The following MACROD2 variants were observed in gnomAD, a reference collection of about 807,000 sequenced individuals.
MACROD2 encodes ADP-ribose glycohydrolase MACROD2.
In MACROD2, 36 loss-of-function variants were observed where a neutral mutation model predicts 70.4. That is an observed-to-expected ratio of 0.51 (90% confidence interval 0.39 to 0.68). MACROD2 has a LOEUF of 0.68. Among genes scored for constraint, MACROD2 ranks in the 30% least tolerant of loss-of-function variants. The probability of loss-of-function intolerance (pLI) is 0.00; values close to 1 mark genes in which losing one functional copy is unlikely to be tolerated. For missense variants in MACROD2, 496 were observed against 538.4 expected, an observed-to-expected ratio of 0.92 and a Z score of 0.78; for synonymous variants, 172 against 178.8, an observed-to-expected ratio of 0.96 and a Z score of 0.30.
chr20:14,540,662 A>T lies in MACROD2; in HGVS notation c.301+47154A>T, dbSNP rs113405747. 9.9e-3 allele frequency among the ~76,000 whole-genome samples: 1,508 copies of T among 152,290 alleles called. 33 individuals are homozygous for T. Among genetic ancestry groups the T allele is most frequent in the African/African-American group, 0.035 (1,437 of 41,554 alleles). On this transcript the variant is annotated intron_variant, in intron 4 of 17. Coordinates refer to ENST00000684519, the MANE Select transcript of MACROD2 (RefSeq NM_001351661.2). The stretch of plus-strand genomic sequence containing the variant: ...GCATGATGGGTGACAAAAGACAGGG[A>T]TGTTGCTGGGTCAGGTGAAGATGTT...
intron 8 of MACROD2, among the ~76,000 whole-genome samples, chr20:15,786,014 C>T (rs562168231): frequency 6.6e-6 from 1 of 151,560 alleles, no homozygotes; most frequent in Non-Finnish European, 1.5e-5. Context: ...AACAAGCGAT[C>T]GAAGAATAGA....
intron 5 of MACROD2, among the ~76,000 whole-genome samples, chr20:15,118,049 G>T (rs958022306): frequency 2.6e-5 from 4 of 151,940 alleles, no homozygotes; most frequent in Admixed American, 2.0e-4. Context: ...GGATTGATGG[G>T]TACCCTTTTA....
chr20:15,748,742 T>C (rs1231857077), intron 8 of MACROD2, among the ~76,000 whole-genome samples: 5 of 152,156 alleles, frequency 3.3e-5, no homozygotes, highest in Non-Finnish European at 5.9e-5. Context: ...ACATTGTTCA[T>C]ATTTTATTAA....
chr20:14,366,558 G>C (rs1179303904), intron 3 of MACROD2, among the ~76,000 whole-genome samples: 1 of 151,106 alleles, frequency 6.6e-6, no homozygotes, highest in African/African-American at 2.4e-5. Context: ...GTAGAGATGG[G>C]GTTTCACCAT....
intron 5 of MACROD2, among the ~76,000 whole-genome samples, chr20:14,904,587 T>A (rs1008537335): frequency 1.3e-5 from 2 of 152,192 alleles, no homozygotes; most frequent in Non-Finnish European, 2.9e-5. Flanking sequence ...GATAAACTCA[T>A]AATTTGTTTG....
chr20:14,273,920 A>G (rs1250443154), intron 3 of MACROD2, among the ~76,000 whole-genome samples: 1 of 152,110 alleles, frequency 6.6e-6, no homozygotes. Context: ...TCCTCGACAC[A>G]TACACCCTCC....
At chr20:15,317,581 G>A (rs1199381003) in intron 6 of MACROD2, among the ~76,000 whole-genome samples, 2 of 151,604 alleles carry the variant, frequency 1.3e-5, no homozygotes, top group African/African-American at 4.8e-5. Context: ...ACTTGATAAT[G>A]GAGGCTGAAA....
intron 8 of MACROD2, among the ~76,000 whole-genome samples, chr20:15,660,997 C>T (rs998442062): frequency 6.6e-6 from 1 of 152,110 alleles, no homozygotes; most frequent in Non-Finnish European, 1.5e-5. Context: ...GCAGATGTTT[C>T]GGAGTTTGAG....
chr20:15,344,531 G>A (rs1204078904), intron 6 of MACROD2, among the ~76,000 whole-genome samples: 1 of 152,148 alleles, frequency 6.6e-6, no homozygotes, highest in Non-Finnish European at 1.5e-5. Context: ...TTTGATGTGA[G>A]CTCTGAGGCC....
At chr20:15,943,514 G>T (rs1323523807) in intron 12 of MACROD2, among the ~76,000 whole-genome samples, 1 of 152,086 alleles carries the variant, frequency 6.6e-6, no homozygotes, top group Non-Finnish European at 1.5e-5. Flanking sequence ...ATCCCTCTTG[G>T]ATATTAGGAG....
rs2066488637 is a variant in MACROD2, at chr20:15,986,713, A to G, written c.986-14A>G. 1.9e-6 allele frequency: 3 copies of G among 1,597,666 alleles called. No homozygotes were observed. The highest frequency in any genetic ancestry group is 3.4e-5 in the Admixed American group (2 of 58,936). On this transcript the variant is annotated splice_polypyrimidine_tract_variant and intron_variant, in intron 13 of 17. Coordinates refer to ENST00000684519, the MANE Select transcript of MACROD2 (RefSeq NM_001351661.2). ...ATCACATTTCTTTTATTTTTCAATC[A>G]CTGTTTTGAACAGGACAAGAGAATG... is the stretch of plus-strand genomic sequence containing the variant.
chr20:14,802,840 A>C (rs2072594574), intron 5 of MACROD2, among the ~76,000 whole-genome samples: 1 of 151,296 alleles, frequency 6.6e-6, no homozygotes, highest in African/African-American at 2.4e-5. Flanking sequence ...TTGGTTTTAC[A>C]GTTTGTATCT....
chr20:14,944,401 T>C (rs1408462394), intron 5 of MACROD2, among the ~76,000 whole-genome samples: 1 of 152,192 alleles, frequency 6.6e-6, no homozygotes, highest in Non-Finnish European at 1.5e-5. Context: ...ATTGTTCAAA[T>C]GCTTTCTGCA....
At chr20:15,434,037 T>C (rs903604821) in intron 7 of MACROD2, among the ~76,000 whole-genome samples, 5 of 151,864 alleles carry the variant, frequency 3.3e-5, no homozygotes, top group Admixed American at 6.6e-5. Flanking sequence ...CACACAAAAA[T>C]CAACTCAAGA....
intron 6 of MACROD2, among the ~76,000 whole-genome samples, chr20:15,231,338 C>T (rs758060248): frequency 6.6e-5 from 10 of 151,896 alleles, no homozygotes; most frequent in Non-Finnish European, 1.0e-4. Flanking sequence ...ACCACAAGAC[C>T]AGTTGGTTAA....
chr20:14,980,408 C>T (rs1052933932), intron 5 of MACROD2, among the ~76,000 whole-genome samples: 1 of 152,122 alleles, frequency 6.6e-6, no homozygotes, highest in African/African-American at 2.4e-5. Context: ...CGGCCCTCAC[C>T]AGATGCAACC....
At chr20:15,681,746 T>A (rs1729015692) in intron 8 of MACROD2, among the ~76,000 whole-genome samples, 1 of 152,182 alleles carries the variant, frequency 6.6e-6, no homozygotes, top group Admixed American at 6.5e-5. Context: ...AATCAGAGTT[T>A]CATCGTGACG....
chr20:15,327,912 C>T (rs1290204992), intron 6 of MACROD2, among the ~76,000 whole-genome samples: 1 of 152,038 alleles, frequency 6.6e-6, no homozygotes, highest in Non-Finnish European at 1.5e-5. Flanking sequence ...AGGTACTTGA[C>T]ACATATCAGT....
intron 13 of MACROD2, among the ~76,000 whole-genome samples, chr20:15,983,694 G>A (rs2066434932): frequency 6.6e-6 from 1 of 152,152 alleles, no homozygotes; most frequent in African/African-American, 2.4e-5. Context: ...GCCTACGCCT[G>A]GTCGACTGGA....
Sources: allele counts gnomAD v4.1 joint callset (sites outside exome capture counted in the v4.1 genomes callset), GRCh38; gene constraint gnomAD v4.1.1; transcripts MANE v1.5; gene names NCBI Gene and HGNC (gene_info 2026-07-23, HGNC 2026-07-21).